Variants in CTDSPL observed in about 807,000 individuals in gnomAD.
The protein encoded by CTDSPL is CTD small phosphatase-like protein.
In CTDSPL, 8 loss-of-function variants were observed where a neutral mutation model predicts 30.5. That is an observed-to-expected ratio of 0.26 (90% CI 0.15 to 0.47). The LOEUF is 0.47. CTDSPL is among the 20% of genes least tolerant of loss of function. The probability of loss-of-function intolerance (pLI) is 0.99; values close to 1 mark genes in which losing one functional copy is unlikely to be tolerated. For missense variants in CTDSPL, 248 were observed against 366.1 expected, an observed-to-expected ratio of 0.68 and a Z score of 2.63; for synonymous variants, 110 against 137.9, an observed-to-expected ratio of 0.80 and a Z score of 1.42.
intron 1 of CTDSPL, among the ~76,000 whole-genome samples, chr3:37,916,956 G>A (rs1698656708): frequency 6.6e-6 from 1 of 152,150 alleles, no homozygotes; most frequent in South Asian, 2.1e-4. Flanking sequence ...GTACCTGGGT[G>A]TCCTGCTGCT....
At chr3:37,914,084 A>C (rs564898758) in intron 1 of CTDSPL, among the ~76,000 whole-genome samples, 1 of 152,290 alleles carries the variant, frequency 6.6e-6, no homozygotes, top group Non-Finnish European at 1.5e-5. Context: ...ATATCCCTCC[A>C]TTTATTTATG....
rs879053400 is a variant in CTDSPL at position 37,982,487 on chromosome 3, G to C, written c.*1620G>C. On this transcript the variant is annotated 3_prime_UTR_variant, in exon 8 of 8. Transcript: ENST00000273179. ...TGGGTTGGTCTTCAGCCAGCATTCT[G>C]GTGGGAGTGACTGGCATTAACAAGA... 2 of 455,256 alleles carry C rather than the reference G, an allele frequency of 4.4e-6. No individual in the cohort carries two copies. Among genetic ancestry groups the C allele is most frequent in the Non-Finnish European group, 8.9e-6 (2 of 225,916 alleles). 28.2% of individuals were successfully genotyped at this position (455,256 alleles called of 1,614,324 possible). A position where few individuals can be genotyped will look rare whatever the true frequency, so the allele number is the denominator to read the frequency against.
intron 1 of CTDSPL, among the ~76,000 whole-genome samples, chr3:37,885,337 TG>T (rs1329866482): frequency 2.6e-5 from 4 of 152,160 alleles, no homozygotes; most frequent in Non-Finnish European, 4.4e-5. Flanking sequence ...TCATAGAATG[TG>T]GGTAGGTCAG....
chr3:37,881,772 G>GA lies in CTDSPL; in HGVS notation c.79+19504dup, dbSNP rs369088493. 6.7e-3 allele frequency among the ~76,000 whole-genome samples: 996 copies of GA among 148,024 alleles called. 30 individuals are homozygous for GA. Among genetic ancestry groups the GA allele is most frequent in the Admixed American group, 0.052 (782 of 14,930 alleles). On this transcript the variant is annotated intron_variant, in intron 1 of 7. Coordinates refer to ENST00000273179, the MANE Select transcript of CTDSPL (RefSeq NM_001008392.2). Reference sequence around the variant, plus strand: ...GGATATATATGTGTGTTGAAAAACTGAAAAAAAAAATGTTTACGCATGGTG... The same window carrying GA: ...GGATATATATGTGTGTTGAAAAACTGAAAAAAAAAAATGTTTACGCATGGTG...
chr3:37,958,609 G>A (rs904372112), intron 3 of CTDSPL, among the ~76,000 whole-genome samples: 15 of 152,018 alleles, frequency 9.9e-5, no homozygotes, highest in South Asian at 2.1e-4. Flanking sequence ...CTGAAGAAAC[G>A]GACCCTTTTC....
chr3:37,908,733 T>C (rs1314424856), intron 1 of CTDSPL, among the ~76,000 whole-genome samples: 1 of 152,232 alleles, frequency 6.6e-6, no homozygotes, highest in Admixed American at 6.5e-5. Flanking sequence ...TCCAGAAGGA[T>C]AGTAACAATT....
At chr3:37,897,957 T>C (rs1354543033) in intron 1 of CTDSPL, among the ~76,000 whole-genome samples, 1 of 152,202 alleles carries the variant, frequency 6.6e-6, no homozygotes, top group African/African-American at 2.4e-5. Context: ...AGCTCTGTCA[T>C]AGAGAAAATG....
At chr3:37,941,967 C>T (rs1698983939) in intron 1 of CTDSPL, among the ~76,000 whole-genome samples, 1 of 150,058 alleles carries the variant, frequency 6.7e-6, no homozygotes, top group Admixed American at 6.7e-5. Context: ...AGCTTCAGCC[C>T]CAGAGGGAAT....
chr3:37,954,252 A>G (rs908599794), intron 2 of CTDSPL, among the ~76,000 whole-genome samples: 2 of 152,248 alleles, frequency 1.3e-5, no homozygotes, highest in Non-Finnish European at 2.9e-5. Context: ...GTTACTGTTC[A>G]TTCATGAACT....
intron 1 of CTDSPL, among the ~76,000 whole-genome samples, chr3:37,938,267 G>A (rs548928595): frequency 3.3e-5 from 5 of 150,184 alleles, no homozygotes; most frequent in South Asian, 4.3e-4. Flanking sequence ...GCTCTGAATC[G>A]GTGCAGACCT....
rs1699520876 is a variant in CTDSPL, at chr3:37,983,768, G to A, written c.*2901G>A. 1 of 161,582 alleles carries A rather than the reference G, an allele frequency of 6.2e-6. No homozygotes were observed. The highest frequency in any genetic ancestry group is 5.8e-5 in the Admixed American group (1 of 17,200). 10.0% of individuals were successfully genotyped at this position (161,582 alleles called of 1,614,324 possible). ...TTCCATTTGTTCTGGAATCCTACGT[G>A]TTGGTCTGTGGTTCCATGCATTAGC... On this transcript the variant is annotated 3_prime_UTR_variant, in exon 8 of 8. Transcript: ENST00000273179.
intron 1 of CTDSPL, among the ~76,000 whole-genome samples, chr3:37,908,968 C>T (rs1436681096): frequency 2.0e-5 from 3 of 152,048 alleles, no homozygotes; most frequent in East Asian, 3.9e-4. Flanking sequence ...TACTCAATAT[C>T]GATATTTAGT....
At chr3:37,895,424 T>G (rs948772142) in intron 1 of CTDSPL, among the ~76,000 whole-genome samples, 1 of 152,220 alleles carries the variant, frequency 6.6e-6, no homozygotes, top group African/African-American at 2.4e-5. Flanking sequence ...TTTCTGGCTC[T>G]GTACTTTCTG....
intron 1 of CTDSPL, among the ~76,000 whole-genome samples, chr3:37,872,002 A>G (rs1329344178): frequency 6.6e-6 from 1 of 151,982 alleles, no homozygotes; most frequent in East Asian, 1.9e-4. Flanking sequence ...TGCTGAGACT[A>G]TTTCTTTGCT....
Position 37,919,621 on chromosome 3 carries a change from G to A in CTDSPL, c.80-27436G>A, listed in dbSNP as rs561624840. Among the ~76,000 whole-genome samples, 11 of 152,330 alleles carry A rather than the reference G, an allele frequency of 7.2e-5. No individual in the cohort carries two copies. In the South Asian group the frequency reaches 2.1e-3, roughly 29 times the overall value. On this transcript the variant is annotated intron_variant, in intron 1 of 7. Transcript: ENST00000273179. ...AGGTCCTGGAGAAGTTGAGGAATTG[G>A]TGGAAGGCTGCAGTTTCAAGAGCTG... is the stretch of plus-strand genomic sequence containing the variant.
chr3:37,947,925 C>T (rs1229070884), intron 2 of CTDSPL, among the ~76,000 whole-genome samples: 1 of 152,184 alleles, frequency 6.6e-6, no homozygotes, highest in East Asian at 1.9e-4. Context: ...CACAATAGGT[C>T]AAAAACCAAA....
chr3:37,934,827 G>A (rs527555883), intron 1 of CTDSPL, among the ~76,000 whole-genome samples: 10 of 152,216 alleles, frequency 6.6e-5, no homozygotes, highest in East Asian at 1.9e-4. Flanking sequence ...CTGTGTTTCC[G>A]TCCATATAGT....
chr3:37,955,911 C>T (rs1350605061), intron 2 of CTDSPL, among the ~76,000 whole-genome samples: 4 of 152,134 alleles, frequency 2.6e-5, no homozygotes, highest in Non-Finnish European at 5.9e-5. Context: ...TCTTGAGTCC[C>T]TGTATTAGGA....
chr3:37,865,121 C>T (rs1697994580), intron 1 of CTDSPL, among the ~76,000 whole-genome samples: 1 of 152,218 alleles, frequency 6.6e-6, no homozygotes, highest in Non-Finnish European at 1.5e-5. Flanking sequence ...TCAGAGATGA[C>T]TGTCACTGTC....
Sources: allele counts gnomAD v4.1 joint callset (sites outside exome capture counted in the v4.1 genomes callset), GRCh38; gene constraint gnomAD v4.1.1; transcripts MANE v1.5; gene names NCBI Gene and HGNC (gene_info 2026-07-23, HGNC 2026-07-21).